ANAPC10: variants seen among roughly 807,000 people sequenced by gnomAD.
The protein encoded by ANAPC10 is anaphase promoting complex subunit 10, also known as anaphase-promoting complex subunit 10.
Under a neutral mutation model 22.0 loss-of-function variants are expected in ANAPC10, and 12 were observed. The observed-to-expected ratio is 0.55, with a 90% CI of 0.35 to 0.88. The LOEUF is 0.88. Ranked by LOEUF, ANAPC10 falls within the 40% of genes least tolerant of loss-of-function variation. The probability of loss-of-function intolerance (pLI) is 0.01; values close to 1 mark genes in which losing one functional copy is unlikely to be tolerated. For missense variants in ANAPC10, 188 were observed against 220.9 expected (o/e 0.85, Z 0.94); for synonymous variants, 65 against 69.5 (o/e 0.94, Z 0.32).
intron 4 of ANAPC10, among the ~76,000 whole-genome samples, chr4:145,005,844 T>C (rs1578876008): frequency 1.3e-5 from 2 of 151,898 alleles, no homozygotes; most frequent in African/African-American, 2.4e-5. Flanking sequence ...AATTTCAGTT[T>C]TGAATGTCTT....
At chr4:145,003,439 C>T (rs1434921389) in intron 4 of ANAPC10, among the ~76,000 whole-genome samples, 2 of 152,092 alleles carry the variant, frequency 1.3e-5, no homozygotes, top group Admixed American at 1.3e-4. Flanking sequence ...TTTTTAATCT[C>T]TTTGAGAAAC....
rs573204603 is a variant in ANAPC10 at position 145,071,030 on chromosome 4, C to T, written c.207-6338G>A. Among the ~76,000 whole-genome samples the T allele has an allele frequency of 1.2e-4, 18 of 152,238 alleles. No homozygotes were observed. In the South Asian group the frequency reaches 3.7e-3, roughly 32 times the overall value. On this transcript the variant is annotated intron_variant, in intron 3 of 4. Coordinates refer to ENST00000507656, the MANE Select transcript of ANAPC10 (RefSeq NM_001256706.2). Reference sequence around the variant, plus strand: ...TGGTTATTATTTAATGGGTTCCACACAGGATGATGAAAAGTTCTGAAGATG... The same window carrying T: ...TGGTTATTATTTAATGGGTTCCACATAGGATGATGAAAAGTTCTGAAGATG...
At chr4:145,000,865 TA>T (rs36162066) in intron 4 of ANAPC10, among the ~76,000 whole-genome samples, 2 of 151,976 alleles carry the variant, frequency 1.3e-5, no homozygotes, top group African/African-American at 2.4e-5. Context: ...TATGCAGCCA[TA>T]AAAAAGGATG....
At chr4:145,078,281 A>G (rs901645715) in intron 3 of ANAPC10, among the ~76,000 whole-genome samples, 1 of 150,488 alleles carries the variant, frequency 6.6e-6, no homozygotes, top group Admixed American at 6.6e-5. Context: ...AACAGCCACA[A>G]AAAAAAAAAT....
intron 4 of ANAPC10, among the ~76,000 whole-genome samples, chr4:145,026,980 TA>T: frequency 2.2e-5 from 1 of 44,532 alleles, no homozygotes; most frequent in African/African-American, 1.0e-4. Context: ...TATATATATA[TA>T]TATATATTTT....
chr4:145,082,350 T>C (rs1023457627), intron 2 of ANAPC10, among the ~76,000 whole-genome samples: 1 of 152,124 alleles, frequency 6.6e-6, no homozygotes, highest in Admixed American at 6.5e-5. Flanking sequence ...CGTTTCTCCA[T>C]GTGGGTCAGG....
At chr4:145,037,412 C>A (rs553145029) in intron 4 of ANAPC10, among the ~76,000 whole-genome samples, 6 of 151,982 alleles carry the variant, frequency 3.9e-5, no homozygotes, top group African/African-American at 1.4e-4. Context: ...CTACACCCAG[C>A]CCTATCACCA....
At chr4:145,020,501 T>C (rs1186054800) in intron 4 of ANAPC10, among the ~76,000 whole-genome samples, 1 of 152,090 alleles carries the variant, frequency 6.6e-6, no homozygotes, top group East Asian at 1.9e-4. Context: ...GTTGAAAGCA[T>C]TCCCTCTGAG....
At chr4:145,076,112 C>A (rs1385321490) in intron 3 of ANAPC10, among the ~76,000 whole-genome samples, 3 of 152,254 alleles carry the variant, frequency 2.0e-5, no homozygotes, top group Non-Finnish European at 2.9e-5. Flanking sequence ...ACCTAACCAA[C>A]AGAAAGCTTT....
chr4:145,078,782 C>G (rs1279760468), intron 3 of ANAPC10, among the ~76,000 whole-genome samples: 3 of 152,118 alleles, frequency 2.0e-5, no homozygotes, highest in African/African-American at 7.2e-5. Flanking sequence ...GGGGAAGGAA[C>G]TCCCTATTCA....
intron 4 of ANAPC10, among the ~76,000 whole-genome samples, chr4:145,039,702 C>A (rs557808359): frequency 6.6e-6 from 1 of 152,200 alleles, no homozygotes; most frequent in South Asian, 2.1e-4. Flanking sequence ...TCAAGCAATT[C>A]TCCTGCCTTA....
intron 4 of ANAPC10, among the ~76,000 whole-genome samples, chr4:145,015,051 A>G (rs1734891883): frequency 6.6e-6 from 1 of 152,070 alleles, no homozygotes; most frequent in African/African-American, 2.4e-5. Context: ...CCAAAAAATC[A>G]TATTGGCTCA....
At chr4:145,035,061 C>T (rs1039853447) in intron 4 of ANAPC10, 3 of 152,366 alleles carry the variant, frequency 2.0e-5, no homozygotes, top group Admixed American at 6.5e-5. Flanking sequence ...GTACATTTCT[C>T]AAGACTCCCT....
intron 4 of ANAPC10, among the ~76,000 whole-genome samples, chr4:144,996,890 T>A (rs889089589): frequency 2.6e-5 from 4 of 152,104 alleles, no homozygotes; most frequent in African/African-American, 9.7e-5. Flanking sequence ...GAGAAGACCT[T>A]AAATGACCCC....
intron 4 of ANAPC10, among the ~76,000 whole-genome samples, chr4:145,059,169 C>CACG (rs1233073081): frequency 6.6e-6 from 1 of 151,986 alleles, no homozygotes; most frequent in East Asian, 1.9e-4. Flanking sequence ...ATTTTGGGAT[C>CACG]AACAAATAGA....
chr4:144,996,972 GGAAGA>G (rs1731715515), intron 4 of ANAPC10, among the ~76,000 whole-genome samples: 1 of 152,074 alleles, frequency 6.6e-6, no homozygotes, highest in African/African-American at 2.4e-5. Flanking sequence ...TCGATCAAGT[GGAAGA>G]AAGGGTAACA....
chr4:145,040,207 A>G (rs1739310072), intron 4 of ANAPC10, among the ~76,000 whole-genome samples: 2 of 151,136 alleles, frequency 1.3e-5, no homozygotes, highest in South Asian at 4.2e-4. Flanking sequence ...CTGGAGTACA[A>G]TGGCACGATC....
intron 4 of ANAPC10, among the ~76,000 whole-genome samples, chr4:145,050,766 G>A (rs1740988013): frequency 6.6e-6 from 1 of 152,136 alleles, no homozygotes; most frequent in Admixed American, 6.5e-5. Context: ...TTCTTCTGTA[G>A]CTTCCTCACC....
At chr4:145,074,223 ACATTT>A (rs1744884133) in intron 3 of ANAPC10, among the ~76,000 whole-genome samples, 1 of 151,696 alleles carries the variant, frequency 6.6e-6, no homozygotes, top group African/African-American at 2.4e-5. Flanking sequence ...CATTCAAAGA[ACATTT>A]CATTTTCTTA....
Sources: allele counts gnomAD v4.1 joint callset (sites outside exome capture counted in the v4.1 genomes callset), GRCh38; gene constraint gnomAD v4.1.1; transcripts MANE v1.5; gene names NCBI Gene and HGNC (gene_info 2026-07-23, HGNC 2026-07-21).